The following ATAD1 variants were observed in gnomAD, a reference collection of about 807,000 sequenced individuals.
The protein encoded by ATAD1 is ATPase family AAA domain containing 1, also known as outer mitochondrial transmembrane helix translocase.
Under a neutral mutation model 42.7 loss-of-function variants are expected in ATAD1, and 18 were observed. The ratio of observed to expected loss-of-function variants is 0.42; its 90% CI spans 0.29 to 0.63. The LOEUF (loss-of-function observed/expected upper bound fraction) is 0.63. Ranked by LOEUF, ATAD1 falls within the 20% of genes least tolerant of loss-of-function variation. The pLI, the probability that ATAD1 is intolerant of heterozygous loss-of-function variation, is 0.19. For synonymous variants in ATAD1, 132 were observed against 143.1 expected (o/e 0.92, Z 0.55); for missense variants, 294 against 440.4 (o/e 0.67, Z 2.98).
At chr10:87,756,425 A>G (rs1001831434) in intron 9 of ATAD1, among the ~76,000 whole-genome samples, 1 of 152,222 alleles carries the variant, frequency 6.6e-6, no homozygotes, top group Non-Finnish European at 1.5e-5. Context: ...AAATTGCTGC[A>G]GTGATAAATG....
At chr10:87,811,489 T>C (rs1440815465) in intron 2 of ATAD1, among the ~76,000 whole-genome samples, 1 of 152,174 alleles carries the variant, frequency 6.6e-6, no homozygotes, top group African/African-American at 2.4e-5. Flanking sequence ...ATAAAGGAAA[T>C]GTATCAAGGC....
chr10:87,820,117 A>C (rs1032687354), upstream of ATAD1, among the ~76,000 whole-genome samples: 2 of 151,798 alleles, frequency 1.3e-5, no homozygotes, highest in Admixed American at 6.6e-5. Flanking sequence ...ACAACAACAA[A>C]AAACAGAGGC....
intron 1 of ATAD1, among the ~76,000 whole-genome samples, chr10:87,829,930 C>G (rs920972098): frequency 6.6e-6 from 1 of 152,206 alleles, no homozygotes; most frequent in Non-Finnish European, 1.5e-5. Flanking sequence ...AGAAAATTTA[C>G]TGCAATCTTG....
intron 8 of ATAD1, among the ~76,000 whole-genome samples, chr10:87,762,916 A>ATATAT (rs202149805): frequency 8.2e-5 from 11 of 134,272 alleles, no homozygotes; most frequent in Non-Finnish European, 9.5e-5. Flanking sequence ...TAAAAAAAAA[A>ATATAT]AAATATATAT....
intron 8 of ATAD1, among the ~76,000 whole-genome samples, chr10:87,764,109 A>G (rs1854622075): frequency 6.6e-6 from 1 of 152,138 alleles, no homozygotes; most frequent in Non-Finnish European, 1.5e-5. Context: ...TTTAAAGTCC[A>G]GAAACAGAGA....
chr10:87,783,503 T>A (rs188476329), intron 5 of ATAD1, among the ~76,000 whole-genome samples: 3 of 152,172 alleles, frequency 2.0e-5, no homozygotes, highest in Admixed American at 1.3e-4. Context: ...AACAAAGCTA[T>A]ACTACATATT....
rs757564565 is a variant in ATAD1, at chr10:87,753,181, C to A, written c.*1506G>T. Reference sequence around the variant, plus strand: ...GAATATAGTTATTAAAAATGGGACACTTTTTTTCATTTTTGGTATCTTGTA... The same window carrying A: ...GAATATAGTTATTAAAAATGGGACAATTTTTTTCATTTTTGGTATCTTGTA... On this transcript the variant is annotated 3_prime_UTR_variant, in exon 10 of 10. Coordinates refer to ENST00000680024, the MANE Select transcript of ATAD1 (RefSeq NM_001321967.2). 6.6e-6 allele frequency: 1 copy of A among 151,920 alleles called. No individual in the cohort carries two copies. The highest frequency in any genetic ancestry group is 1.5e-5 in the Non-Finnish European group (1 of 67,882). 9.4% of individuals were successfully genotyped at this position (151,920 alleles called of 1,614,324 possible).
chr10:87,804,777 CTAACT>C (rs1425772059), intron 2 of ATAD1, among the ~76,000 whole-genome samples: 3 of 152,170 alleles, frequency 2.0e-5, no homozygotes, highest in East Asian at 1.9e-4. Context: ...CACATCTCAA[CTAACT>C]TAACCCACCC....
chr10:87,803,468 G>A (rs183905525), intron 2 of ATAD1, among the ~76,000 whole-genome samples: 103 of 152,326 alleles, frequency 6.8e-4, no homozygotes, highest in Admixed American at 1.3e-3. Context: ...AGATAAACGC[G>A]TATCTGCTTG....
intron 1 of ATAD1, among the ~76,000 whole-genome samples, chr10:87,833,971 C>T (rs1178254281): frequency 1.3e-5 from 2 of 152,106 alleles, no homozygotes; most frequent in East Asian, 3.8e-4. Context: ...CTGCCTTAGC[C>T]TCCCAAAGTG....
intron 1 of ATAD1, among the ~76,000 whole-genome samples, chr10:87,823,524 A>G (rs1353122199): frequency 1.3e-5 from 2 of 152,162 alleles, no homozygotes; most frequent in African/African-American, 4.8e-5. Context: ...TTAAATTGGG[A>G]CCTTCATAAT....
At chr10:87,777,644 C>T (rs1855369445) in intron 5 of ATAD1, among the ~76,000 whole-genome samples, 1 of 151,088 alleles carries the variant, frequency 6.6e-6, no homozygotes, top group Non-Finnish European at 1.5e-5. Flanking sequence ...TAGTACAATC[C>T]CCATTTCAAA....
At chr10:87,795,465 GT>G (rs60783935) in intron 2 of ATAD1, among the ~76,000 whole-genome samples, 49 of 143,584 alleles carry the variant, frequency 3.4e-4, no homozygotes, top group Non-Finnish European at 3.8e-4. Context: ...TGGTTTGCTT[GT>G]TTTTTTTTTT....
chr10:87,758,413 G>A (rs576565126), intron 8 of ATAD1, among the ~76,000 whole-genome samples: 3 of 151,842 alleles, frequency 2.0e-5, no homozygotes, highest in Non-Finnish European at 4.4e-5. Flanking sequence ...GGACAAATAA[G>A]CAAAGAAAAA....
At chr10:87,755,381 G>A (rs1854172997) in intron 9 of ATAD1, among the ~76,000 whole-genome samples, 1 of 151,964 alleles carries the variant, frequency 6.6e-6, no homozygotes, top group Non-Finnish European at 1.5e-5. Flanking sequence ...GATATTCAGG[G>A]AAAAACATTC....
chr10:87,776,907 C>T (rs923326076), intron 5 of ATAD1, among the ~76,000 whole-genome samples: 9 of 151,554 alleles, frequency 5.9e-5, no homozygotes. Flanking sequence ...CACTCTGTAC[C>T]CCATAAATAT....
chr10:87,807,453 C>T (rs943914271), intron 2 of ATAD1, among the ~76,000 whole-genome samples: 34 of 152,140 alleles, frequency 2.2e-4, no homozygotes, highest in African/African-American at 1.2e-4. Flanking sequence ...CTCTCCAGCA[C>T]GTTATTGACA....
intron 6 of ATAD1, among the ~76,000 whole-genome samples, chr10:87,772,259 C>CA (rs1318310479): frequency 1.3e-5 from 2 of 151,586 alleles, no homozygotes; most frequent in Non-Finnish European, 2.9e-5. Context: ...ACTACAGGCA[C>CA]ATGCCACTGT....
intron 1 of ATAD1, among the ~76,000 whole-genome samples, chr10:87,839,329 A>C (rs1048060030): frequency 6.6e-6 from 1 of 152,124 alleles, no homozygotes; most frequent in Non-Finnish European, 1.5e-5. Context: ...TTTTATTTTT[A>C]TCTCTGAGAA....
Sources: allele counts gnomAD v4.1 joint callset (sites outside exome capture counted in the v4.1 genomes callset), GRCh38; gene constraint gnomAD v4.1.1; transcripts MANE v1.5; gene names NCBI Gene and HGNC (gene_info 2026-07-23, HGNC 2026-07-21).